Variants in AHI1 observed in about 807,000 individuals in gnomAD.
The protein encoded by AHI1 is jouberin.
Under a neutral mutation model 149.3 loss-of-function variants are expected in AHI1, and 123 were observed. That is an observed-to-expected ratio of 0.82 (90% confidence interval 0.71 to 0.96). The LOEUF (loss-of-function observed/expected upper bound fraction) is 0.96, where lower values mean the gene tolerates loss of function less well. AHI1 is among the 40% of genes least tolerant of loss of function. AHI1 has a pLI of 0.00. For synonymous variants in AHI1, 475 were observed against 459.8 expected, an observed-to-expected ratio of 1.03 and a Z score of -0.42; for missense variants, 1,439 against 1,422.7, an observed-to-expected ratio of 1.01 and a Z score of -0.18.
chr6:135,477,861 G>C (rs1018118399), intron 5 of AHI1, among the ~76,000 whole-genome samples: 4 of 152,154 alleles, frequency 2.6e-5, no homozygotes, highest in Non-Finnish European at 5.9e-5. Flanking sequence ...GCAGTGGTGT[G>C]ATCCTGGCTC....
At chr6:135,329,336 C>T (rs1306171715) in intron 24 of AHI1, among the ~76,000 whole-genome samples, 1 of 152,188 alleles carries the variant, frequency 6.6e-6, no homozygotes, top group African/African-American at 2.4e-5. Flanking sequence ...GGAACTAATA[C>T]AGCTGGTGAC....
At chr6:135,486,494 G>C (rs1794495369) in intron 5 of AHI1, among the ~76,000 whole-genome samples, 3 of 151,766 alleles carry the variant, frequency 2.0e-5, no homozygotes, top group Admixed American at 1.3e-4. Flanking sequence ...TCTTAATATT[G>C]ACTGATATCC....
chr6:135,421,481 C>T (rs1364342252), intron 20 of AHI1, among the ~76,000 whole-genome samples: 2 of 151,902 alleles, frequency 1.3e-5, no homozygotes, highest in African/African-American at 4.8e-5. Flanking sequence ...AGAATATATG[C>T]TATTCTAATT....
intron 23 of AHI1, among the ~76,000 whole-genome samples, chr6:135,361,586 C>T (rs970442750): frequency 2.0e-5 from 3 of 150,712 alleles, no homozygotes; most frequent in Admixed American, 2.0e-4. Flanking sequence ...ACACTTTTCC[C>T]CTCTGGCTGC....
chr6:135,363,053 A>T (rs2128443571), intron 23 of AHI1, among the ~76,000 whole-genome samples: 1 of 149,090 alleles, frequency 6.7e-6, no homozygotes, highest in South Asian at 2.1e-4. Flanking sequence ...TATTATTATT[A>T]TTATTATTAT....
chr6:135,363,788 G>A (rs1476168060), intron 23 of AHI1, among the ~76,000 whole-genome samples: 45 of 114,870 alleles, frequency 3.9e-4, no homozygotes, highest in South Asian at 2.1e-3. Context: ...ACCTCCCTCC[G>A]GGACGGGGTG....
rs1786466822 is a variant in AHI1 at position 135,442,522 on chromosome 6, A to G, written c.1912+60T>C. Reference sequence around the variant, plus strand: ...TTAAGATTTCCATGAATTTAAAAAAACTAAAGAATGTCCTCCACGTGGACT... The same window carrying G: ...TTAAGATTTCCATGAATTTAAAAAAGCTAAAGAATGTCCTCCACGTGGACT... On this transcript the variant is annotated intron_variant, in intron 14 of 28. Transcript: ENST00000265602. 4 of 1,484,288 alleles carry G rather than the reference A, an allele frequency of 2.7e-6. No individual in the cohort carries two copies. The Admixed American group carries it at 9.3e-5, about 34-fold the overall frequency. 91.9% of individuals were successfully genotyped at this position (1,484,288 alleles called of 1,614,324 possible). A position where few individuals can be genotyped will look rare whatever the true frequency, so the allele number is the denominator to read the frequency against.
chr6:135,447,795 G>A (rs928204493), intron 12 of AHI1, among the ~76,000 whole-genome samples: 1 of 152,170 alleles, frequency 6.6e-6, no homozygotes, highest in Admixed American at 6.5e-5. Flanking sequence ...TGTGAAAAAT[G>A]TGCCCAGAAA....
intron 24 of AHI1, among the ~76,000 whole-genome samples, chr6:135,345,528 T>A (rs1313339328): frequency 6.6e-6 from 1 of 152,172 alleles, no homozygotes; most frequent in East Asian, 1.9e-4. Context: ...ACAACATGGA[T>A]GAACCTTGAA....
intron 11 of AHI1, among the ~76,000 whole-genome samples, chr6:135,451,160 C>A (rs544960977): frequency 1.1e-4 from 17 of 152,146 alleles, no homozygotes; most frequent in Admixed American, 4.6e-4. Flanking sequence ...CCACATCTGG[C>A]AAATTTTTGT....
chr6:135,297,919 T>C (rs1783342299), intron 27 of AHI1, among the ~76,000 whole-genome samples: 1 of 151,808 alleles, frequency 6.6e-6, no homozygotes, highest in Non-Finnish European at 1.5e-5. Context: ...TAAGAAGAGA[T>C]TTCATTCATT....
At chr6:135,346,463 G>C (rs1409093928) in intron 24 of AHI1, among the ~76,000 whole-genome samples, 1 of 152,134 alleles carries the variant, frequency 6.6e-6, no homozygotes, top group African/African-American at 2.4e-5. Context: ...GCATCCCAAA[G>C]TGCTGGGATT....
chr6:135,342,995 A>T (rs909330828), intron 24 of AHI1, among the ~76,000 whole-genome samples: 22 of 151,710 alleles, frequency 1.5e-4, no homozygotes, highest in African/African-American at 5.1e-4. Flanking sequence ...AACTATCTCT[A>T]TTAGTAGAGT....
intron 24 of AHI1, among the ~76,000 whole-genome samples, chr6:135,348,053 A>G (rs1365751490): frequency 5.9e-5 from 9 of 152,230 alleles, no homozygotes; most frequent in Non-Finnish European, 1.3e-4. Context: ...TGTCTGTGTT[A>G]GTGACGGCCG....
chr6:135,348,860 A>C lies in AHI1; in HGVS notation c.3165+9272T>G, dbSNP rs190677057. Among the ~76,000 whole-genome samples, 6 of 152,300 alleles carry C rather than the reference A, an allele frequency of 3.9e-5. No individual in the cohort carries two copies. In the East Asian group the frequency reaches 1.2e-3, roughly 29 times the overall value. On this transcript the variant is annotated intron_variant, in intron 24 of 28. Coordinates refer to ENST00000265602, the MANE Select transcript of AHI1 (RefSeq NM_001134831.2). The stretch of plus-strand genomic sequence containing the variant: ...AATGGCCGAGAGATTACTGTGTGTT[A>C]GACACAGTATTTAGTACTTGAAACA...
intron 23 of AHI1, among the ~76,000 whole-genome samples, chr6:135,391,636 A>G (rs1378940338): frequency 2.0e-5 from 3 of 152,192 alleles, no homozygotes; most frequent in Admixed American, 2.0e-4. Flanking sequence ...AGTTCGCCTT[A>G]AACACATTCA....
chr6:135,487,163 T>C (rs1562286202), intron 5 of AHI1, among the ~76,000 whole-genome samples: 1 of 152,212 alleles, frequency 6.6e-6, no homozygotes, highest in Admixed American at 6.5e-5. Context: ...CTTACTTAAA[T>C]TTCTTATTTC....
chr6:135,483,825 T>G (rs1794085464), intron 5 of AHI1, among the ~76,000 whole-genome samples: 1 of 152,214 alleles, frequency 6.6e-6, no homozygotes, highest in Non-Finnish European at 1.5e-5. Flanking sequence ...TCCATACACT[T>G]GTCTGGTAAA....
intron 23 of AHI1, among the ~76,000 whole-genome samples, chr6:135,368,275 C>T (rs1292553601): frequency 6.6e-6 from 1 of 152,062 alleles, no homozygotes; most frequent in Non-Finnish European, 1.5e-5. Context: ...TGTGATGGTC[C>T]TTGGTTGTAG....
Sources: gnomAD v4.1 joint callset for allele counts (sites outside exome capture counted in the v4.1 genomes callset) on GRCh38, gnomAD v4.1.1 for gene constraint, MANE v1.5 for transcripts, NCBI Gene and HGNC (gene_info 2026-07-23, HGNC 2026-07-21) for gene names.